The following HERC1 variants were observed in gnomAD, a reference collection of about 807,000 sequenced individuals.
HERC1 encodes the protein probable E3 ubiquitin-protein ligase HERC1.
In HERC1, 160 loss-of-function variants were observed where a neutral mutation model predicts 554.3. The observed-to-expected ratio is 0.29, with a 90% CI of 0.25 to 0.33. The LOEUF (loss-of-function observed/expected upper bound fraction) is 0.33. HERC1 is among the 10% of genes least tolerant of loss of function. HERC1 has a pLI of 1.00. For synonymous variants in HERC1, 2,175 were observed against 2,131.7 expected (o/e 1.02, Z -0.56); for missense variants, 4,919 against 5,918.5 (o/e 0.83, Z 5.54).
At chr15:63,648,638 T>A (rs2069482933) in intron 54 of HERC1, among the ~76,000 whole-genome samples, 1 of 135,310 alleles carries the variant, frequency 7.4e-6, no homozygotes, top group African/African-American at 2.6e-5. Flanking sequence ...TATCAAAATG[T>A]TCTGTTCTCA....
rs2070149684 is a variant in HERC1, at chr15:63,658,117, G to A, written c.9599+427C>T. Among the ~76,000 whole-genome samples, 4 of 152,264 alleles carry A rather than the reference G, an allele frequency of 2.6e-5. No individual in the cohort carries two copies. The South Asian group carries it at 8.3e-4, about 32-fold the overall frequency. On this transcript the variant is annotated intron_variant, in intron 48 of 77. Transcript: ENST00000443617. The stretch of plus-strand genomic sequence containing the variant: ...CTGCTTAATCACTTCTTAAACAGCT[G>A]TCTTTTAGGTATTTCTGGTTCTCAT...
At chr15:63,794,545 G>A (rs1567135002) in intron 1 of HERC1, among the ~76,000 whole-genome samples, 1 of 152,122 alleles carries the variant, frequency 6.6e-6, no homozygotes, top group Non-Finnish European at 1.5e-5. Context: ...CTAACCAGAG[G>A]TGACCAGGCA....
intron 45 of HERC1, 33 bp downstream of exon 45, chr15:63,661,720 G>A: frequency 1.2e-6 from 2 of 1,606,120 alleles, no homozygotes; most frequent in Non-Finnish European, 1.7e-6. Flanking sequence ...GGTATCTTCA[G>A]GAGGTCTGGA....
intron 1 of HERC1, among the ~76,000 whole-genome samples, chr15:63,813,833 C>T (rs536551737): frequency 2.0e-5 from 3 of 152,158 alleles, no homozygotes; most frequent in South Asian, 2.1e-4. Flanking sequence ...TTTGGGAGGC[C>T]GAGGCAGGTG....
chr15:63,773,038 G>A (rs906685035), intron 2 of HERC1, among the ~76,000 whole-genome samples: 2 of 152,142 alleles, frequency 1.3e-5, no homozygotes, highest in South Asian at 2.1e-4. Flanking sequence ...TACTTGTTGC[G>A]GGTAGGGGGA....
chr15:63,828,104 G>T (rs2078004255), intron 1 of HERC1, among the ~76,000 whole-genome samples: 1 of 152,184 alleles, frequency 6.6e-6, no homozygotes. Flanking sequence ...CTTTAAAAGG[G>T]TGAGTTGTAT....
At chr15:63,644,895 A>C (rs990843498) in intron 57 of HERC1, 97 bp downstream of exon 57, 3 of 860,246 alleles carry the variant, frequency 3.5e-6, no homozygotes, top group Non-Finnish European at 5.8e-6. Context: ...GCCCTTTGGG[A>C]TATAGTAATG....
chr15:63,748,116 C>G (rs1050336409), intron 10 of HERC1, among the ~76,000 whole-genome samples: 2 of 152,034 alleles, frequency 1.3e-5, no homozygotes, highest in African/African-American at 4.8e-5. Context: ...GTCCCAGTTA[C>G]CCAGGAGGCT....
At chr15:63,636,173 AC>A (rs2068768445) in intron 64 of HERC1, 31 bp from the exon 65 acceptor site, 1 of 1,596,268 alleles carries the variant, frequency 6.3e-7, no homozygotes, top group Non-Finnish European at 8.5e-7. Flanking sequence ...AACAGGAGTC[AC>A]TGGATGTTAA....
rs987061533 is a variant in HERC1 at position 63,612,001 on chromosome 15, A to G, written c.14400+250T>C. On this transcript the variant is annotated intron_variant, in intron 77 of 77. Transcript: ENST00000443617. The surrounding 1 kb of genome is among the most constrained non-coding windows in gnomAD (Gnocchi z 5.0). ...GTAGTTCAAGACCAGCCTGGCCAAC[A>G]TGGTGAATCCCCGTCTCTACCAAAA... is the stretch of plus-strand genomic sequence containing the variant. 2.0e-5 allele frequency among the ~76,000 whole-genome samples: 3 copies of G among 152,202 alleles called. No homozygotes were observed. The highest frequency in any genetic ancestry group is 1.3e-4 in the Admixed American group (2 of 15,288).
intron 48 of HERC1, among the ~76,000 whole-genome samples, chr15:63,657,570 G>C (rs1480458765): frequency 6.6e-6 from 1 of 151,904 alleles, no homozygotes; most frequent in African/African-American, 2.4e-5. Context: ...CCATTCTATG[G>C]CTTGCTTTTT....
chr15:63,751,485 G>A (rs538926671), intron 8 of HERC1, among the ~76,000 whole-genome samples: 2 of 152,262 alleles, frequency 1.3e-5, no homozygotes, highest in South Asian at 4.1e-4. Context: ...CTGTCACTCA[G>A]TAAGGCCTAC....
intron 22 of HERC1, among the ~76,000 whole-genome samples, chr15:63,713,988 C>G: frequency 6.6e-6 from 1 of 152,146 alleles, no homozygotes; most frequent in South Asian, 2.1e-4. Context: ...CCCACATCAT[C>G]TGGGCACTTG....
At chr15:63,653,963 G>T (rs1002187827) in intron 51 of HERC1, among the ~76,000 whole-genome samples, 156 bp downstream of exon 51, 5 of 152,182 alleles carry the variant, frequency 3.3e-5, no homozygotes, top group African/African-American at 1.2e-4. Flanking sequence ...GTTGGTAACT[G>T]CCAGGAACAT....
chr15:63,613,519 C>T (rs796980401), intron 76 of HERC1, among the ~76,000 whole-genome samples: 63 of 152,302 alleles, frequency 4.1e-4, no homozygotes, highest in African/African-American at 1.4e-3. Flanking sequence ...GTCTAAGAAT[C>T]TGAATAGGGA....
intron 1 of HERC1, among the ~76,000 whole-genome samples, chr15:63,787,243 G>A (rs752799476): frequency 3.2e-4 from 49 of 152,046 alleles, no homozygotes; most frequent in African/African-American, 8.4e-4. Context: ...TGCAACCTCC[G>A]CCTCCAGGAT....
intron 33 of HERC1, among the ~76,000 whole-genome samples, chr15:63,687,137 AGG>A (rs1392391035): frequency 1.3e-5 from 2 of 152,252 alleles, no homozygotes; most frequent in Non-Finnish European, 2.9e-5. Context: ...TGATGTATAT[AGG>A]AGATCTCTGA....
intron 56 of HERC1, 81 bp from the exon 57 acceptor site, chr15:63,645,178 ATC>A (rs1238825644): frequency 9.8e-7 from 1 of 1,019,768 alleles, no homozygotes; most frequent in African/African-American, 1.6e-5. Flanking sequence ...ATCAATTAAG[ATC>A]TGATAGAACC....
At chr15:63,754,454 A>T (rs1259285068) in intron 7 of HERC1, 51 bp downstream of exon 7, 14 of 1,483,852 alleles carry the variant, frequency 9.4e-6, no homozygotes, top group East Asian at 6.9e-5. Flanking sequence ...ATAAATTTTT[A>T]AAAAACTCAA....
Sources: gnomAD v4.1 joint callset for allele counts (sites outside exome capture counted in the v4.1 genomes callset) on GRCh38, gnomAD v4.1.1 for gene constraint, Gnocchi (gnomAD v3.1) non-coding constraint, MANE v1.5 for transcripts, NCBI Gene and HGNC (gene_info 2026-07-23, HGNC 2026-07-21) for gene names.